Variants in DGKB observed in about 807,000 individuals in gnomAD.
DGKB encodes the protein diacylglycerol kinase beta.
A neutral mutation model predicts 114.3 loss-of-function variants in DGKB; 67 were observed. The ratio of observed to expected loss-of-function variants is 0.59; its 90% CI spans 0.48 to 0.72. The LOEUF is 0.72. Ranked by LOEUF, DGKB falls within the 30% of genes least tolerant of loss-of-function variation. The pLI, the probability that DGKB is intolerant of heterozygous loss-of-function variation, is 0.00. For missense variants in DGKB, 907 were observed against 975.2 expected (o/e 0.93, Z 0.93); for synonymous variants, 398 against 323.1 (o/e 1.23, Z -2.49).
At chr7:14,804,360 C>T (rs1042269312) in intron 2 of DGKB, among the ~76,000 whole-genome samples, 2 of 151,794 alleles carry the variant, frequency 1.3e-5, no homozygotes, top group Non-Finnish European at 2.9e-5. Context: ...ATATATTTTG[C>T]AGTTTCAGCA....
chr7:14,680,818 G>A (rs1385820459), intron 12 of DGKB, among the ~76,000 whole-genome samples: 1 of 151,734 alleles, frequency 6.6e-6, no homozygotes, highest in African/African-American at 2.4e-5. Flanking sequence ...ATTAGAAAAG[G>A]CAGCAATGCA....
At chr7:14,640,881 G>C (rs1419863184) in intron 13 of DGKB, among the ~76,000 whole-genome samples, 3 of 152,132 alleles carry the variant, frequency 2.0e-5, no homozygotes, top group Non-Finnish European at 4.4e-5. Context: ...TTAATGTCTA[G>C]TGGTGGTTAA....
At chr7:14,745,274 C>A (rs1480367185) in intron 4 of DGKB, among the ~76,000 whole-genome samples, 1 of 152,216 alleles carries the variant, frequency 6.6e-6, no homozygotes, top group Non-Finnish European at 1.5e-5. Flanking sequence ...ACAATGGCCC[C>A]TTTTAACAGA....
chr7:14,928,688 T>C (rs756038725), intron 1 of DGKB, among the ~76,000 whole-genome samples: 3 of 151,938 alleles, frequency 2.0e-5, no homozygotes, highest in Non-Finnish European at 4.4e-5. Context: ...TCTATTTGCA[T>C]AAATTTATGG....
At chr7:14,665,793 AT>A (rs751129566) in intron 13 of DGKB, among the ~76,000 whole-genome samples, 161 of 152,182 alleles carry the variant, frequency 1.1e-3, no homozygotes, top group Middle Eastern at 3.4e-3. Flanking sequence ...TTACCTCATC[AT>A]AAAAATTATA....
chr7:14,926,448 T>C (rs1221974110), intron 1 of DGKB, among the ~76,000 whole-genome samples: 1 of 151,842 alleles, frequency 6.6e-6, no homozygotes, highest in Non-Finnish European at 1.5e-5. Context: ...TTCCACCTTT[T>C]GGAATCTTCC....
At chr7:14,722,835 A>T (rs1829406156) in intron 5 of DGKB, among the ~76,000 whole-genome samples, 1 of 151,764 alleles carries the variant, frequency 6.6e-6, no homozygotes, top group South Asian at 2.1e-4. Flanking sequence ...AATAAATAAA[A>T]ATAAAAAAAC....
chr7:14,911,507 C>A (rs571062777), intron 1 of DGKB, among the ~76,000 whole-genome samples: 1 of 152,120 alleles, frequency 6.6e-6, no homozygotes, highest in East Asian at 1.9e-4. Flanking sequence ...ATGGCTCCAA[C>A]ACTCAGCTCA....
At chr7:14,934,432 C>T (rs573884649) in intron 1 of DGKB, among the ~76,000 whole-genome samples, 45 of 152,190 alleles carry the variant, frequency 3.0e-4, no homozygotes, top group African/African-American at 1.1e-3. Context: ...TCTGTGAGTG[C>T]TGGAGTACTT....
At chr7:14,254,959 GT>G (rs1795749499) in intron 23 of DGKB, among the ~76,000 whole-genome samples, 1 of 152,074 alleles carries the variant, frequency 6.6e-6, no homozygotes, top group Admixed American at 6.6e-5. Context: ...AAACAACTGG[GT>G]TTTTCTTTTA....
At chr7:14,235,516 G>A (rs2128350546) in intron 23 of DGKB, among the ~76,000 whole-genome samples, 1 of 152,176 alleles carries the variant, frequency 6.6e-6, no homozygotes, top group South Asian at 2.1e-4. Context: ...TTTCATCTGT[G>A]AAGTAGAATG....
chr7:14,537,849 G>A (rs1345227788), intron 20 of DGKB, among the ~76,000 whole-genome samples: 1 of 152,154 alleles, frequency 6.6e-6, no homozygotes, highest in Admixed American at 6.5e-5. Flanking sequence ...GGGAGGCCAA[G>A]GCGGGTGGAT....
intron 16 of DGKB, among the ~76,000 whole-genome samples, chr7:14,608,341 T>G (rs1585085447): frequency 1.3e-5 from 2 of 152,042 alleles, no homozygotes; most frequent in East Asian, 3.9e-4. Flanking sequence ...CAAATCCATA[T>G]AATTATCTCA....
At chr7:14,659,084 C>T (rs1352780860) in intron 13 of DGKB, among the ~76,000 whole-genome samples, 3 of 151,814 alleles carry the variant, frequency 2.0e-5, no homozygotes, top group African/African-American at 4.8e-5. Context: ...CCCTACCACT[C>T]GACAGGCCCT....
intron 23 of DGKB, among the ~76,000 whole-genome samples, chr7:14,312,727 G>A (rs1350964080): frequency 6.6e-6 from 1 of 152,142 alleles, no homozygotes; most frequent in African/African-American, 2.4e-5. Flanking sequence ...TCAGACTTGG[G>A]TATCTTGGGG....
chr7:14,681,602 A>C (rs569775657), intron 12 of DGKB, among the ~76,000 whole-genome samples: 152 of 152,168 alleles, frequency 1.0e-3, no homozygotes, highest in Admixed American at 2.0e-3. Context: ...TAAAAACTTT[A>C]GTCCTGTAAC....
intron 9 of DGKB, among the ~76,000 whole-genome samples, chr7:14,690,895 A>G (rs546063467): frequency 6.6e-6 from 1 of 152,372 alleles, no homozygotes; most frequent in African/African-American, 2.4e-5. Flanking sequence ...GGTAATCAGA[A>G]TCACAAAGCC....
intron 19 of DGKB, among the ~76,000 whole-genome samples, chr7:14,580,214 C>G (rs952997719): frequency 1.3e-5 from 2 of 152,156 alleles, no homozygotes; most frequent in African/African-American, 4.8e-5. Context: ...AAGTTCACAC[C>G]CAGCTTTACA....
At chr7:14,960,222 CGTTTA>C (rs1462524792) in intron 1 of DGKB, among the ~76,000 whole-genome samples, 2 of 151,930 alleles carry the variant, frequency 1.3e-5, no homozygotes, top group African/African-American at 2.4e-5. Context: ...GTGACGAATG[CGTTTA>C]GTTTACTTTG....
Sources: allele counts gnomAD v4.1 joint callset (sites outside exome capture counted in the v4.1 genomes callset), GRCh38; gene constraint gnomAD v4.1.1; transcripts MANE v1.5; gene names NCBI Gene and HGNC (gene_info 2026-07-23, HGNC 2026-07-21).